Variants in SRBD1 observed in about 807,000 individuals in gnomAD.
SRBD1 encodes S1 RNA-binding domain-containing protein 1.
Under a neutral mutation model 115.3 loss-of-function variants are expected in SRBD1, and 88 were observed. That is an observed-to-expected ratio of 0.76 (90% confidence interval 0.64 to 0.91). The LOEUF is 0.91. Ranked by LOEUF, SRBD1 falls within the 40% of genes least tolerant of loss-of-function variation. SRBD1 has a pLI of 0.00. For missense variants in SRBD1, 1,385 were observed against 1,177.4 expected, an observed-to-expected ratio of 1.18 and a Z score of -2.58; for synonymous variants, 509 against 407.7, an observed-to-expected ratio of 1.25 and a Z score of -2.99.
rs986113692 is a variant in SRBD1, at chr2:45,599,607, T to C, written c.490A>G (p.Thr164Ala). 1.3e-5 allele frequency: 21 copies of C among 1,614,108 alleles called. No homozygotes were observed. The highest frequency in any genetic ancestry group is 4.4e-5 in the South Asian group (4 of 91,088). ...TCGTCATTCTCTTCCTTCTTGCATG[T>C]ACCTCCCCACACAGTGCTTGTGGAT... ...TPSTSTVWGG[T>A]CKKEENDDDF... Residue 164 changes from threonine (T) to alanine (A), a missense_variant, in exon 4 of 21, where the codon ACA (threonine) becomes GCA (alanine). Transcript: ENST00000263736.
intron 16 of SRBD1, among the ~76,000 whole-genome samples, chr2:45,421,359 T>C (rs1049250583): frequency 6.6e-6 from 1 of 151,472 alleles, no homozygotes; most frequent in African/African-American, 2.4e-5. Context: ...TACAAAAAAT[T>C]AGCCGTGCGC....
At chr2:45,462,216 C>T (rs1669338503) in intron 16 of SRBD1, among the ~76,000 whole-genome samples, 1 of 152,136 alleles carries the variant, frequency 6.6e-6, no homozygotes, top group Non-Finnish European at 1.5e-5. Context: ...AATAAATTAA[C>T]CACCTCATTT....
At chr2:45,501,108 T>C (rs1281252690) in intron 14 of SRBD1, among the ~76,000 whole-genome samples, 3 of 152,190 alleles carry the variant, frequency 2.0e-5, no homozygotes, top group East Asian at 3.8e-4. Flanking sequence ...TGGATTTTAC[T>C]GAATGCTTTT....
chr2:45,579,644 A>T (rs1351828595), intron 7 of SRBD1, among the ~76,000 whole-genome samples: 1 of 152,082 alleles, frequency 6.6e-6, no homozygotes, highest in Non-Finnish European at 1.5e-5. Flanking sequence ...TAATTTTAAA[A>T]AGAACAATAC....
chr2:45,428,355 C>G (rs1216158308), intron 16 of SRBD1, among the ~76,000 whole-genome samples: 1 of 151,986 alleles, frequency 6.6e-6, no homozygotes, highest in Non-Finnish European at 1.5e-5. Flanking sequence ...TCCAGACCAC[C>G]CTGGCTAACA....
At chr2:45,552,996 T>C (rs555262418) in intron 11 of SRBD1, among the ~76,000 whole-genome samples, 38 of 152,264 alleles carry the variant, frequency 2.5e-4, no homozygotes, top group African/African-American at 9.1e-4. Context: ...TAATCTATAA[T>C]ATTTTGGAAG....
chr2:45,475,616 T>A (rs1212775181), intron 16 of SRBD1, among the ~76,000 whole-genome samples: 2 of 152,256 alleles, frequency 1.3e-5, no homozygotes, highest in Admixed American at 6.5e-5. Context: ...TATTCCACTA[T>A]CTTGCCAAGA....
At chr2:45,493,811 C>CAAAAAAAAA (rs751899968) in intron 14 of SRBD1, among the ~76,000 whole-genome samples, 1 of 114,170 alleles carries the variant, frequency 8.8e-6, no homozygotes, top group Non-Finnish European at 1.9e-5. Flanking sequence ...AACTTCAACT[C>CAAAAAAAAA]AAAAAAAAAA....
chr2:45,411,217 C>A (rs576892291), intron 19 of SRBD1, among the ~76,000 whole-genome samples: 1 of 152,190 alleles, frequency 6.6e-6, no homozygotes, highest in East Asian at 1.9e-4. Context: ...GCAGAATTGA[C>A]TGGTTGGAGG....
In SRBD1 at chr2:45,579,290, C is replaced by G. The variant is rs538860724; in HGVS notation, c.1072+585G>C. Among the ~76,000 whole-genome samples, 9 of 152,282 alleles carry G rather than the reference C, an allele frequency of 5.9e-5. No homozygotes were observed. In the South Asian group the frequency reaches 1.7e-3, roughly 28 times the overall value. On this transcript the variant is annotated intron_variant, in intron 7 of 20. Transcript: ENST00000263736. Reference sequence around the variant, plus strand: ...TGGAGGGAAATTTCAGAAAAATACACTTTACTTCTACAGTAGAAGTGTGAG... The same window carrying G: ...TGGAGGGAAATTTCAGAAAAATACAGTTTACTTCTACAGTAGAAGTGTGAG...
At chr2:45,605,286 G>A in intron 2 of SRBD1, 76 bp downstream of exon 2, 3 of 1,412,934 alleles carry the variant, frequency 2.1e-6, no homozygotes, top group Non-Finnish European at 2.0e-6. Context: ...TAAGGAGTTA[G>A]AAAGTGACAG....
chr2:45,412,720 TAACCAATA>T (rs1558561181), intron 19 of SRBD1, among the ~76,000 whole-genome samples: 2 of 152,360 alleles, frequency 1.3e-5, no homozygotes, highest in East Asian at 3.9e-4. Context: ...AAGATTTTAA[TAACCAATA>T]AAGATAATAT....
chr2:45,558,979 C>T (rs1471932346), intron 10 of SRBD1, among the ~76,000 whole-genome samples: 2 of 152,082 alleles, frequency 1.3e-5, no homozygotes, highest in African/African-American at 2.4e-5. Context: ...GGATTACAGG[C>T]GTGAGCCACC....
At chr2:45,456,613 C>A (rs921353204) in intron 16 of SRBD1, among the ~76,000 whole-genome samples, 4 of 151,850 alleles carry the variant, frequency 2.6e-5, no homozygotes, top group Admixed American at 6.6e-5. Context: ...CACCTGGATG[C>A]TATCAATAAC....
chr2:45,565,598 A>G (rs904927699), intron 9 of SRBD1, among the ~76,000 whole-genome samples: 14 of 152,226 alleles, frequency 9.2e-5, no homozygotes, highest in African/African-American at 3.1e-4. Context: ...CAAAAGTGTA[A>G]TCAATAACAA....
intron 16 of SRBD1, among the ~76,000 whole-genome samples, chr2:45,450,446 G>A (rs879315507): frequency 2.0e-5 from 3 of 152,052 alleles, no homozygotes; most frequent in Non-Finnish European, 4.4e-5. Context: ...TACAGCTTTA[G>A]TAGTAACATG....
chr2:45,405,254 A>T (rs796722061), intron 19 of SRBD1, among the ~76,000 whole-genome samples: 1 of 152,298 alleles, frequency 6.6e-6, no homozygotes, highest in African/African-American at 2.4e-5. Context: ...TAAATGAAAG[A>T]TTCTGTCAGT....
intron 2 of SRBD1, among the ~76,000 whole-genome samples, chr2:45,604,555 A>G (rs1162592077): frequency 6.6e-6 from 1 of 152,102 alleles, no homozygotes; most frequent in Non-Finnish European, 1.5e-5. Context: ...ATGTCTCTAG[A>G]CTGGCCACAC....
intron 19 of SRBD1, among the ~76,000 whole-genome samples, chr2:45,398,804 A>G (rs1255630203): frequency 1.3e-5 from 2 of 152,154 alleles, no homozygotes; most frequent in African/African-American, 2.4e-5. Context: ...ATACACAACC[A>G]CAGTGATTAT....
Sources: allele counts gnomAD v4.1 joint callset (sites outside exome capture counted in the v4.1 genomes callset), GRCh38; gene constraint gnomAD v4.1.1; transcripts MANE v1.5; gene names NCBI Gene and HGNC (gene_info 2026-07-23, HGNC 2026-07-21).